SHISA9: variants seen among roughly 807,000 people sequenced by gnomAD.
The protein encoded by SHISA9 is protein shisa-9.
SHISA9 carries 13 observed loss-of-function variants against 38.0 expected under a neutral mutation model. The observed-to-expected ratio is 0.34, with a 90% CI of 0.22 to 0.54. SHISA9 has a LOEUF of 0.54. SHISA9 is among the 20% of genes least tolerant of loss of function. SHISA9 has a pLI of 0.91. For synonymous variants in SHISA9, 275 were observed against 242.0 expected (o/e 1.14, Z -1.27); for missense variants, 538 against 575.8 (o/e 0.93, Z 0.67).
chr16:12,992,391 G>A (rs1420037562), intron 2 of SHISA9, among the ~76,000 whole-genome samples: 3 of 151,246 alleles, frequency 2.0e-5, no homozygotes, highest in Admixed American at 6.6e-5. Context: ...AGTAAACCGG[G>A]TGTGGTGGCA....
At chr16:13,398,996 C>G in the SHISA9 span, among the ~76,000 whole-genome samples, 1 of 152,112 alleles carries the variant, frequency 6.6e-6, no homozygotes, top group Non-Finnish European at 1.5e-5. Flanking sequence ...TGGTTCACAC[C>G]TGTAATCTCA....
intron 2 of SHISA9, among the ~76,000 whole-genome samples, chr16:13,032,410 A>G (rs1452915543): frequency 6.6e-6 from 1 of 152,106 alleles, no homozygotes; most frequent in Non-Finnish European, 1.5e-5. Context: ...CATTTTCTTT[A>G]TCCAGGAACC....
the SHISA9 span, among the ~76,000 whole-genome samples, chr16:13,359,185 A>C: frequency 6.6e-6 from 1 of 152,242 alleles, no homozygotes; most frequent in Middle Eastern, 3.4e-3. Flanking sequence ...ATTAGTACTG[A>C]GGAGAATCAA....
the SHISA9 span, among the ~76,000 whole-genome samples, chr16:13,518,259 G>A: frequency 6.6e-6 from 1 of 151,940 alleles, no homozygotes; most frequent in Non-Finnish European, 1.5e-5. Context: ...AAATGCTCTC[G>A]GTGGTTCAGA....
chr16:13,222,849 A>G (rs1414902318), intron 4 of SHISA9, among the ~76,000 whole-genome samples: 1 of 152,116 alleles, frequency 6.6e-6, no homozygotes, highest in Non-Finnish European at 1.5e-5. Flanking sequence ...CACAAGGTAT[A>G]TATAACATTA....
At chr16:13,372,287 A>G in the SHISA9 span, among the ~76,000 whole-genome samples, 2 of 152,224 alleles carry the variant, frequency 1.3e-5, no homozygotes, top group Admixed American at 6.5e-5. Context: ...CATTCATTTA[A>G]CAAATAACAA....
intron 2 of SHISA9, among the ~76,000 whole-genome samples, chr16:12,927,086 T>C (rs7206248): frequency 0.036 from 5,522 of 152,316 alleles, 157 homozygotes; most frequent in African/African-American, 0.072. Flanking sequence ...GAATTTTTTC[T>C]TCTTTTAATA....
At chr16:13,304,880 TA>T in the SHISA9 span, among the ~76,000 whole-genome samples, 42 of 152,306 alleles carry the variant, frequency 2.8e-4, no homozygotes, top group African/African-American at 9.9e-4. Context: ...ATGAGGGGCA[TA>T]TAGCACAAAG....
At chr16:13,243,623 C>T (rs1038806948), downstream of SHISA9, among the ~76,000 whole-genome samples, 5 of 152,042 alleles carry the variant, frequency 3.3e-5, no homozygotes, top group South Asian at 2.1e-4. Context: ...AGAACAGGCT[C>T]TAAAATGTTT....
At chr16:13,288,219 G>A in the SHISA9 span, among the ~76,000 whole-genome samples, 1 of 152,136 alleles carries the variant, frequency 6.6e-6, no homozygotes, top group Non-Finnish European at 1.5e-5. Context: ...GGACCATGTT[G>A]GCTATTGGTC....
At chr16:13,553,672 T>TA in the SHISA9 span, among the ~76,000 whole-genome samples, 490 of 135,898 alleles carry the variant, frequency 3.6e-3, 1 homozygote, top group African/African-American at 0.013. Flanking sequence ...AGCTGCTATT[T>TA]AAAAAAAAAG....
At chr16:13,420,936 A>C in the SHISA9 span, among the ~76,000 whole-genome samples, 1 of 152,220 alleles carries the variant, frequency 6.6e-6, no homozygotes, top group South Asian at 2.1e-4. Flanking sequence ...TCCCAGCGAA[A>C]CAGCTAGATT....
At chr16:13,429,010 G>A in the SHISA9 span, among the ~76,000 whole-genome samples, 1 of 151,960 alleles carries the variant, frequency 6.6e-6, no homozygotes, top group East Asian at 1.9e-4. Context: ...CAAGTTATCT[G>A]CCCGCCTCAG....
the SHISA9 span, among the ~76,000 whole-genome samples, chr16:13,429,833 A>G: frequency 1.3e-5 from 2 of 152,222 alleles, no homozygotes; most frequent in African/African-American, 4.8e-5. Context: ...CCGTTTACCA[A>G]AGGATAAACA....
intron 2 of SHISA9, among the ~76,000 whole-genome samples, chr16:13,071,251 C>T (rs761130590): frequency 2.6e-4 from 39 of 152,262 alleles, no homozygotes; most frequent in African/African-American, 5.8e-4. Context: ...CCTGGTCTTA[C>T]GAACCTGTGA....
At chr16:13,547,614 G>C in the SHISA9 span, among the ~76,000 whole-genome samples, 5 of 152,116 alleles carry the variant, frequency 3.3e-5, no homozygotes, top group Non-Finnish European at 7.4e-5. Flanking sequence ...GCCCTCAATG[G>C]TTTGGATCAT....
intron 2 of SHISA9, among the ~76,000 whole-genome samples, chr16:13,034,516 G>A (rs552633970): frequency 3.9e-4 from 60 of 152,292 alleles, no homozygotes; most frequent in African/African-American, 1.4e-3. Flanking sequence ...AGAAAGTTAA[G>A]TTTATTTTTG....
the SHISA9 span, among the ~76,000 whole-genome samples, chr16:13,351,824 A>T: frequency 6.6e-6 from 1 of 152,212 alleles, no homozygotes; most frequent in Non-Finnish European, 1.5e-5. Flanking sequence ...AATTTACTCT[A>T]GTCTGAAATA....
chr16:13,471,333 A>T, the SHISA9 span, among the ~76,000 whole-genome samples: 2 of 152,178 alleles, frequency 1.3e-5, no homozygotes, highest in South Asian at 4.1e-4. Context: ...TAAATGTTTT[A>T]AAATGCTAAT....
Sources: allele counts gnomAD v4.1 joint callset (sites outside exome capture counted in the v4.1 genomes callset), GRCh38; gene constraint gnomAD v4.1.1; transcripts MANE v1.5; gene names NCBI Gene and HGNC (gene_info 2026-07-23, HGNC 2026-07-21).